COL6A2: variants seen among roughly 807,000 people sequenced by gnomAD.
COL6A2 encodes collagen alpha-2(VI) chain.
Under a neutral mutation model 124.9 loss-of-function variants are expected in COL6A2, and 90 were observed. The observed-to-expected ratio is 0.72, with a 90% CI of 0.61 to 0.86. COL6A2 has a LOEUF of 0.86. Among genes scored for constraint, COL6A2 ranks in the 40% least tolerant of loss-of-function variants. The pLI, the probability that COL6A2 is intolerant of heterozygous loss-of-function variation, is 0.00. For synonymous variants in COL6A2, 793 were observed against 618.2 expected (o/e 1.28, Z -4.19); for missense variants, 1,607 against 1,502.5 (o/e 1.07, Z -1.15).
intron 21 of COL6A2, among the ~76,000 whole-genome samples, chr21:46,123,535 G>A (rs939958024): frequency 6.6e-6 from 1 of 151,922 alleles, no homozygotes; most frequent in African/African-American, 2.4e-5. Context: ...ATGGGGGTGG[G>A]CAAATGGATG....
rs1568939821 is a variant in COL6A2, at chr21:46,125,631, G to A, written c.1969+14G>A. On this transcript the variant is annotated intron_variant, in intron 25 of 27. Transcript: ENST00000300527. ...AGTCCGAGACAGGTCAGCGGGGCAG[G>A]GGCGGGTGCAGCATTGCGGGGGGCC... 1.2e-6 allele frequency: 2 copies of A among 1,611,878 alleles called. No homozygotes were observed. The highest frequency in any genetic ancestry group is 2.2e-5 in the East Asian group (1 of 44,828).
rs2123635658 is a variant in COL6A2, at chr21:46,118,610, C to T, written c.1117-4C>T. On this transcript the variant is annotated splice_polypyrimidine_tract_variant and splice_region_variant and intron_variant, in intron 12 of 27. Coordinates refer to ENST00000300527, the MANE Select transcript of COL6A2 (RefSeq NM_001849.4). ...CGTGAGGCTGATTCTGCAAACCCTT[C>T]CAGGGGGACCCTGGCCGCCCAGGAC... 1 of 1,612,434 alleles carries T rather than the reference C, an allele frequency of 6.2e-7. No homozygotes were observed.
rs1277331092 is a variant in COL6A2 at position 46,125,663 on chromosome 21, G to A, written c.1969+46G>A. Reference sequence around the variant, plus strand: ...TGCAGCATTGCGGGGGGCCGGGCGGGGCGTGGGAGGCGATGAGATGGGAGA... The same window carrying A: ...TGCAGCATTGCGGGGGGCCGGGCGGAGCGTGGGAGGCGATGAGATGGGAGA... On this transcript the variant is annotated intron_variant, in intron 25 of 27. Coordinates refer to ENST00000300527, the MANE Select transcript of COL6A2 (RefSeq NM_001849.4). The A allele has an allele frequency of 2.5e-6, 4 of 1,592,460 alleles. No individual in the cohort carries two copies. In the East Asian group the frequency reaches 9.1e-5, roughly 36 times the overall value.
chr21:46,122,279 C>T (rs1272489223), intron 19 of COL6A2, 121 bp downstream of exon 19: 3 of 1,288,340 alleles, frequency 2.3e-6, no homozygotes, highest in South Asian at 1.3e-5. Flanking sequence ...GAGGTCCCTC[C>T]TGCGGGACAG....
chr21:46,121,794 CT>C (rs757630416), intron 18 of COL6A2, among the ~76,000 whole-genome samples, 176 bp downstream of exon 18: 1 of 152,104 alleles, frequency 6.6e-6, no homozygotes, highest in Non-Finnish European at 1.5e-5. Context: ...GGAAGCCCCC[CT>C]GGCTCTCCTC....
chr21:46,120,003 C>A (rs887020468), intron 15 of COL6A2, among the ~76,000 whole-genome samples, 153 bp downstream of exon 15: 1 of 151,620 alleles, frequency 6.6e-6, no homozygotes, highest in Non-Finnish European at 1.5e-5. Flanking sequence ...GAATGCAGCC[C>A]TGAGATCCCC....
chr21:46,122,417 G>A, intron 19 of COL6A2, 79 bp from the exon 20 acceptor site: 1 of 1,580,402 alleles, frequency 6.3e-7, no homozygotes, highest in Non-Finnish European at 8.7e-7. Flanking sequence ...GGGAAACGGG[G>A]CTGCAGAAAG....
At chr21:46,114,494 T>C (rs531757164) in intron 5 of COL6A2, among the ~76,000 whole-genome samples, 1 of 152,054 alleles carries the variant, frequency 6.6e-6, no homozygotes. Context: ...TCAACACTTC[T>C]GTCCCTGGAG....
rs2078467665 is a variant in COL6A2, at chr21:46,116,186, T to A, written c.900+133T>A. 3.4e-6 allele frequency: 4 copies of A among 1,162,630 alleles called. No individual in the cohort carries two copies. In the Admixed American group the frequency reaches 7.9e-5, roughly 23 times the overall value. 72.0% of individuals were successfully genotyped at this position (1,162,630 alleles called of 1,614,324 possible). On this transcript the variant is annotated intron_variant, in intron 7 of 27. Coordinates refer to ENST00000300527, the MANE Select transcript of COL6A2 (RefSeq NM_001849.4). The surrounding 1 kb of genome is among the most constrained non-coding windows in gnomAD (Gnocchi z 4.6). ...TTACCAAGGAACAGAAGCACCTCGA[T>A]AACTTGATGGCCGTCCCAAAACCCA...
intron 27 of COL6A2, among the ~76,000 whole-genome samples, chr21:46,126,881 G>A (rs1245091313): frequency 3.9e-5 from 6 of 152,290 alleles, no homozygotes; most frequent in African/African-American, 1.2e-4. Flanking sequence ...TGGGCTGGCC[G>A]TGCATGTGCC....
At chr21:46,121,254 C>T in intron 17 of COL6A2, 131 bp downstream of exon 17, 1 of 912,926 alleles carries the variant, frequency 1.1e-6, no homozygotes, top group African/African-American at 1.6e-5. Flanking sequence ...CCTCAGAAGC[C>T]AGGACCTGCT....
rs1433100822 is a variant in COL6A2 at position 46,112,277 on chromosome 21, G to T, written c.414G>T (p.Leu138=). 2 of 1,612,700 alleles carry T rather than the reference G, an allele frequency of 1.2e-6. No homozygotes were observed. Among genetic ancestry groups the T allele is most frequent in the Non-Finnish European group, 1.7e-6 (2 of 1,179,964 alleles). ...FRRGTFTDCA[L]ANMTEQIRQD... ...GCGGCACCTTCACCGACTGCGCGCT[G>T]GCCAACATGACGGAGCAGATCCGGC... The change falls in exon 3 of 28, where the codon CTG becomes CTT. Residue 138 remains leucine (L), a synonymous_variant. Transcript: ENST00000300527.
In COL6A2 at chr21:46,113,587, G is replaced by A. The variant is rs116858111; in HGVS notation, c.736-421G>A. On this transcript the variant is annotated intron_variant, in intron 4 of 27. Coordinates refer to ENST00000300527, the MANE Select transcript of COL6A2 (RefSeq NM_001849.4). ...CTTGGGAGGCTGAGGTGGGAGGATC[G>A]CTTTCGTATTGTTTTTTTGTAGAGA... The A allele has an allele frequency of 1.5e-3, 350 of 228,372 alleles. 6 individuals carry two copies. The East Asian group carries it at 0.02, about 13-fold the overall frequency. The allele number at this position is 228,372 out of a possible 1,614,324, so 14.1% of individuals were successfully genotyped here.
At chr21:46,127,914 C>T (rs1265131998) in intron 27 of COL6A2, among the ~76,000 whole-genome samples, 1 of 152,220 alleles carries the variant, frequency 6.6e-6, no homozygotes, top group Non-Finnish European at 1.5e-5. Flanking sequence ...AGTGTTGAGC[C>T]AGCCCTGCGT....
intron 1 of COL6A2, among the ~76,000 whole-genome samples, chr21:46,101,129 G>A (rs1290880148): frequency 6.6e-6 from 1 of 152,138 alleles, no homozygotes; most frequent in African/African-American, 2.4e-5. Context: ...GTATCTCACT[G>A]TGGTTTTGAC....
Position 46,121,143 on chromosome 21 carries a change from G to A in COL6A2, c.1458+20G>A. The A allele has an allele frequency of 1.2e-6, 2 of 1,612,146 alleles. No homozygotes were observed. Among genetic ancestry groups the A allele is most frequent in the South Asian group, 2.2e-5 (2 of 91,064 alleles). ...AAGCAGGTCAGTGTCAGTGCAGGAG[G>A]CCGGTGCCCTCTGACCCCACGGGTG... On this transcript the variant is annotated intron_variant, in intron 17 of 27. Transcript: ENST00000300527.
At chr21:46,113,043 C>T (rs1369688201) in intron 4 of COL6A2, 3 of 627,206 alleles carry the variant, frequency 4.8e-6, no homozygotes, top group African/African-American at 3.7e-5. Flanking sequence ...TAGGGTCACC[C>T]ACAGAGCACG....
chr21:46,124,792 CG>C (rs2078633656), intron 22 of COL6A2, 79 bp downstream of exon 22: 3 of 1,598,170 alleles, frequency 1.9e-6, no homozygotes, highest in Non-Finnish European at 2.6e-6. Flanking sequence ...GTTCTGCCCA[CG>C]GTGGACCCAC....
At chr21:46,120,015 C>T (rs2078535451) in intron 15 of COL6A2, among the ~76,000 whole-genome samples, 165 bp downstream of exon 15, 2 of 151,822 alleles carry the variant, frequency 1.3e-5, no homozygotes, top group East Asian at 1.9e-4. Context: ...GAGATCCCCA[C>T]ACCCCATTCT....
Sources: allele counts gnomAD v4.1 joint callset (sites outside exome capture counted in the v4.1 genomes callset), GRCh38; gene constraint gnomAD v4.1.1; non-coding constraint Gnocchi (gnomAD v3.1); transcripts MANE v1.5; gene names NCBI Gene and HGNC (gene_info 2026-07-23, HGNC 2026-07-21).